The following EDAR variants were observed in gnomAD, a reference collection of about 807,000 sequenced individuals.
EDAR encodes ectodysplasin A receptor, also known as tumor necrosis factor receptor superfamily member EDAR.
EDAR carries 38 observed loss-of-function variants against 51.3 expected under a neutral mutation model. The ratio of observed to expected loss-of-function variants is 0.74; its 90% confidence interval spans 0.57 to 0.97. EDAR has a LOEUF of 0.97. Among genes scored for constraint, EDAR ranks in the 50% least tolerant of loss-of-function variants. The pLI, the probability that EDAR is intolerant of heterozygous loss-of-function variation, is 0.00. For synonymous variants in EDAR, 227 were observed against 242.1 expected (o/e 0.94, Z 0.58); for missense variants, 528 against 595.0 (o/e 0.89, Z 1.17).
In EDAR at chr2:108,916,082, TG is replaced by T. The variant is rs1416631622; in HGVS notation, c.443-3319del. Among the ~76,000 whole-genome samples, 11 of 152,174 alleles carry T rather than the reference TG, an allele frequency of 7.2e-5. No individual in the cohort carries two copies. The East Asian group carries it at 2.1e-3, about 29-fold the overall frequency. On this transcript the variant is annotated intron_variant, in intron 5 of 11. Coordinates refer to ENST00000258443, the MANE Select transcript of EDAR (RefSeq NM_022336.4). ...AGATTGTGTGCCCATTTCTGTTTGCTGGGGGGTAGCCTCCCACACTTCATCA... is the reference window on the plus strand; with the variant it reads ...AGATTGTGTGCCCATTTCTGTTTGCTGGGGGTAGCCTCCCACACTTCATCA...
At chr2:108,922,551 G>A (rs1321300742) in intron 5 of EDAR, among the ~76,000 whole-genome samples, 1 of 152,180 alleles carries the variant, frequency 6.6e-6, no homozygotes, top group Non-Finnish European at 1.5e-5. Context: ...TTTCCAGCGT[G>A]ATAAGACGCA....
At chr2:108,912,306 G>T (rs1266144145) in intron 6 of EDAR, among the ~76,000 whole-genome samples, 3 of 152,172 alleles carry the variant, frequency 2.0e-5, no homozygotes, top group Non-Finnish European at 4.4e-5. Flanking sequence ...AAAGTGCTAT[G>T]GTCAGCATGT....
intron 3 of EDAR, 63 bp from the exon 4 acceptor site, chr2:108,929,442 C>T (rs1261308060): frequency 3.2e-6 from 5 of 1,548,364 alleles, no homozygotes; most frequent in Non-Finnish European, 4.5e-6. Context: ...ACGGACTCGG[C>T]CCACAGTCCT....
chr2:108,956,764 G>T (rs1272419042), intron 1 of EDAR, among the ~76,000 whole-genome samples: 2 of 150,326 alleles, frequency 1.3e-5, no homozygotes, highest in Non-Finnish European at 2.9e-5. Context: ...TTGAAGCTCA[G>T]CAGGAAAGGC....
Position 108,938,923 on chromosome 2 carries a change from G to T in EDAR, c.-18-7891C>A, listed in dbSNP as rs1697530400. Among the ~76,000 whole-genome samples, 4 of 151,604 alleles carry T rather than the reference G, an allele frequency of 2.6e-5. No individual in the cohort carries two copies. The South Asian group carries it at 8.4e-4, about 32-fold the overall frequency. ...GCCTCTCGAGTAGCTGCGACTACAG[G>T]CACCCGCCACCACATCCAACTAATT... On this transcript the variant is annotated intron_variant, in intron 1 of 11. Transcript: ENST00000258443.
chr2:108,970,355 G>A (rs956374429), intron 1 of EDAR, among the ~76,000 whole-genome samples: 1 of 152,192 alleles, frequency 6.6e-6, no homozygotes, highest in African/African-American at 2.4e-5. Flanking sequence ...ATCTGCAAAT[G>A]GTGTGTAAAG....
chr2:108,964,227 T>A (rs1698108085), intron 1 of EDAR, among the ~76,000 whole-genome samples: 1 of 152,204 alleles, frequency 6.6e-6, no homozygotes, highest in Non-Finnish European at 1.5e-5. Context: ...GCACGTTTTT[T>A]ATTTACTCCT....
rs745550983 is a variant in EDAR, at chr2:108,929,326, C to T, written c.228G>A (p.Ala76=). Reference sequence around the variant, plus strand: ...GGTAGCCTCCTTTGGAAAACTTCTCCGCCGGGCAGGGGACGCAGCCGTAGT... The same window carrying T: ...GGTAGCCTCCTTTGGAAAACTTCTCTGCCGGGCAGGGGACGCAGCCGTAGT... ...DEDYGCVPCP[A]EKFSKGGYQI... The change falls in exon 4 of 12, where the codon GCG becomes GCA. Residue 76 remains alanine (A), a synonymous_variant. Coordinates refer to ENST00000258443, the MANE Select transcript of EDAR (RefSeq NM_022336.4). 16 of 1,614,126 alleles carry T rather than the reference C, an allele frequency of 9.9e-6. No homozygotes were observed. The East Asian group carries it at 1.3e-4, about 13-fold the overall frequency.
In EDAR at chr2:108,894,958, A is replaced by G. The variant is rs1345263135; in HGVS notation, c.*1949T>C. On this transcript the variant is annotated 3_prime_UTR_variant, in exon 12 of 12. Transcript: ENST00000258443. ...CATTCTGAGGAGGGTGCAAGCTGTT[A>G]TCCTGGAATGGCACACTCATCACAA... 2 of 152,290 alleles carry G rather than the reference A, an allele frequency of 1.3e-5. No individual in the cohort carries two copies. The highest frequency in any genetic ancestry group is 2.4e-5 in the African/African-American group (1 of 41,448). 9.4% of individuals were successfully genotyped at this position (152,290 alleles called of 1,614,324 possible). A position where few individuals can be genotyped will look rare whatever the true frequency, so the allele number is the denominator to read the frequency against.
intron 11 of EDAR, among the ~76,000 whole-genome samples, chr2:108,899,977 C>T (rs1313577055): frequency 6.6e-6 from 1 of 152,004 alleles, no homozygotes; most frequent in Non-Finnish European, 1.5e-5. Context: ...CAGAGTAAAA[C>T]TCCATGTCAA....
intron 1 of EDAR, among the ~76,000 whole-genome samples, chr2:108,934,602 G>A (rs1697431299): frequency 6.6e-6 from 1 of 152,180 alleles, no homozygotes; most frequent in Non-Finnish European, 1.5e-5. Flanking sequence ...AAGTCCAAGA[G>A]CGACTGGCTG....
intron 1 of EDAR, among the ~76,000 whole-genome samples, chr2:108,933,474 T>G (rs1697408535): frequency 6.6e-6 from 1 of 152,112 alleles, no homozygotes; most frequent in Non-Finnish European, 1.5e-5. Context: ...AGCACAGCAG[T>G]GGTCCTGGGT....
intron 1 of EDAR, among the ~76,000 whole-genome samples, chr2:108,951,213 T>G (rs1487379113): frequency 6.6e-6 from 1 of 152,248 alleles, no homozygotes. Context: ...GTTTCCCCTA[T>G]AGCAGCTGTG....
intron 4 of EDAR, among the ~76,000 whole-genome samples, chr2:108,925,084 T>C (rs891874982): frequency 2.0e-5 from 3 of 152,218 alleles, no homozygotes; most frequent in African/African-American, 7.2e-5. Context: ...CCTAGGGGGA[T>C]TGGTCCCGCT....
intron 5 of EDAR, 39 bp from the exon 6 acceptor site, chr2:108,912,803 G>A: frequency 6.6e-7 from 1 of 1,520,800 alleles, no homozygotes; most frequent in Non-Finnish European, 8.9e-7. Flanking sequence ...ATCCAGAGAA[G>A]CTCCACCTTC....
chr2:108,928,060 C>T (rs1046433558), intron 4 of EDAR, among the ~76,000 whole-genome samples: 2 of 152,154 alleles, frequency 1.3e-5, no homozygotes, highest in African/African-American at 4.8e-5. Flanking sequence ...TGACCTGCAT[C>T]AGCTTCGAGC....
At chr2:108,953,073 A>G (rs1038836370) in intron 1 of EDAR, among the ~76,000 whole-genome samples, 1 of 152,262 alleles carries the variant, frequency 6.6e-6, no homozygotes, top group Non-Finnish European at 1.5e-5. Flanking sequence ...TGCAATGCGT[A>G]ATAACCACAT....
At chr2:108,987,351 C>T (rs570748985) in intron 1 of EDAR, among the ~76,000 whole-genome samples, 6 of 152,270 alleles carry the variant, frequency 3.9e-5, no homozygotes, top group African/African-American at 9.6e-5. Flanking sequence ...GTAGGTTTTG[C>T]GCTCCGTGAG....
Position 108,951,726 on chromosome 2 carries a change from C to T in EDAR, c.-18-20694G>A, listed in dbSNP as rs574300402. Among the ~76,000 whole-genome samples, 23 of 152,148 alleles carry T rather than the reference C, an allele frequency of 1.5e-4. No homozygotes were observed. In the East Asian group the frequency reaches 4.1e-3, roughly 27 times the overall value. ...TACTAGATCATTCTAAAGGTTCTTC[C>T]ATTTCTGCGAGTCCACGAGGTTCTC... On this transcript the variant is annotated intron_variant, in intron 1 of 11. Transcript: ENST00000258443.
Sources: allele counts gnomAD v4.1 joint callset (sites outside exome capture counted in the v4.1 genomes callset), GRCh38; gene constraint gnomAD v4.1.1; transcripts MANE v1.5; gene names NCBI Gene and HGNC (gene_info 2026-07-23, HGNC 2026-07-21).